The following UBE4B variants were observed in gnomAD, a reference collection of about 807,000 sequenced individuals.
UBE4B encodes ubiquitination factor E4B.
In UBE4B, 27 loss-of-function variants were observed where a neutral mutation model predicts 148.1. The ratio of observed to expected loss-of-function variants is 0.18; its 90% CI spans 0.13 to 0.25. The LOEUF (loss-of-function observed/expected upper bound fraction) is 0.25, where lower values mean the gene tolerates loss of function less well. UBE4B is among the 10% of genes least tolerant of loss of function. The pLI is 1.00. For missense variants in UBE4B, 1,170 were observed against 1,662.4 expected, an observed-to-expected ratio of 0.70 and a Z score of 5.15; for synonymous variants, 596 against 619.3, an observed-to-expected ratio of 0.96 and a Z score of 0.56.
chr1:10,104,412 A>G (rs1645073060), intron 5 of UBE4B, among the ~76,000 whole-genome samples: 1 of 152,124 alleles, frequency 6.6e-6, no homozygotes, highest in South Asian at 2.1e-4. Flanking sequence ...AACTTCCCTC[A>G]TGGTAGGGAT....
chr1:10,137,023 A>G (rs1645698510), intron 16 of UBE4B, 44 bp from the exon 17 acceptor site: 1 of 1,606,530 alleles, frequency 6.2e-7, no homozygotes, highest in Non-Finnish European at 8.5e-7. Context: ...TCTGATTGAG[A>G]CATGTAATAG....
At chr1:10,064,869 T>C (rs1482486261) in intron 1 of UBE4B, among the ~76,000 whole-genome samples, 1 of 151,764 alleles carries the variant, frequency 6.6e-6, no homozygotes, top group Non-Finnish European at 1.5e-5. Context: ...GTTCAAGCAA[T>C]TCTCCTGCCT....
intron 2 of UBE4B, among the ~76,000 whole-genome samples, chr1:10,082,031 A>G (rs571941174): frequency 2.0e-5 from 3 of 151,890 alleles, no homozygotes; most frequent in Non-Finnish European, 4.4e-5. Context: ...TATCCCTCCA[A>G]ATTTGCTTGA....
chr1:10,088,028 G>T (rs1644790541), intron 2 of UBE4B, among the ~76,000 whole-genome samples: 1 of 152,166 alleles, frequency 6.6e-6, no homozygotes, highest in African/African-American at 2.4e-5. Context: ...TTGACCATGG[G>T]AGCTCTTTCA....
intron 2 of UBE4B, among the ~76,000 whole-genome samples, chr1:10,077,300 G>A (rs1490253219): frequency 1.3e-5 from 2 of 152,076 alleles, no homozygotes; most frequent in Non-Finnish European, 2.9e-5. Context: ...CTTCACGTCC[G>A]TCTTCACATG....
intron 23 of UBE4B, among the ~76,000 whole-genome samples, chr1:10,163,995 G>A (rs1226549506): frequency 6.6e-6 from 1 of 151,640 alleles, no homozygotes; most frequent in South Asian, 2.1e-4. Context: ...CCAAAGTGCG[G>A]GGGTTACAGA....
chr1:10,095,845 C>T (rs755200981), intron 3 of UBE4B, among the ~76,000 whole-genome samples: 1 of 152,200 alleles, frequency 6.6e-6, no homozygotes, highest in African/African-American at 2.4e-5. Context: ...GATCATGGCT[C>T]ACTGCAATTT....
chr1:10,076,788 C>T (rs1644591249), intron 2 of UBE4B, among the ~76,000 whole-genome samples: 1 of 147,868 alleles, frequency 6.8e-6, no homozygotes, highest in Non-Finnish European at 1.5e-5. Context: ...CTCTTGTCAC[C>T]CAGGCTGGAG....
In UBE4B at chr1:10,168,258, C is replaced by T. The variant is rs1423540833; in HGVS notation, c.3321C>T (p.Pro1107=). 1.9e-6 allele frequency: 3 copies of T among 1,614,140 alleles called. No individual in the cohort carries two copies. The Admixed American group carries it at 5.0e-5, about 27-fold the overall frequency. ...TCCTCACGAAGCAGGTCCAGAAGCC[C>T]TTCCTCAGACCGGTGAGTAGAAACC... The part of the protein sequence containing the change: ...FHILTKQVQK[P]FLRPELGPRL... Residue 1107 remains proline, a synonymous_variant, in exon 24 of 28, where the codon CCC becomes CCT. Transcript: ENST00000343090. This position sits in a 1 kb window ranked among gnomAD's most constrained non-coding sequence, Gnocchi z 4.9.
At chr1:10,173,187 A>G (rs1039571563) in intron 25 of UBE4B, among the ~76,000 whole-genome samples, 7 of 152,140 alleles carry the variant, frequency 4.6e-5, no homozygotes, top group Admixed American at 2.0e-4. Flanking sequence ...ATGTTAAAAT[A>G]TATACTGCTG....
intron 1 of UBE4B, among the ~76,000 whole-genome samples, chr1:10,071,269 TAAC>T (rs879832265): frequency 2.0e-5 from 3 of 152,172 alleles, no homozygotes; most frequent in Non-Finnish European, 4.4e-5. Flanking sequence ...TTTATTAAAA[TAAC>T]AACAAGCTTT....
intron 1 of UBE4B, among the ~76,000 whole-genome samples, chr1:10,071,505 T>G (rs1355270209): frequency 6.6e-6 from 1 of 152,194 alleles, no homozygotes; most frequent in African/African-American, 2.4e-5. Flanking sequence ...GGAAGATTAC[T>G]TGAGCCCAGG....
intron 2 of UBE4B, 108 bp from the exon 3 acceptor site, chr1:10,095,353 C>T: frequency 2.2e-6 from 3 of 1,344,962 alleles, no homozygotes; most frequent in Non-Finnish European, 2.0e-6. Context: ...TCGGTTGCTG[C>T]AATGTCATGA....
chr1:10,091,877 A>T (rs915086978), intron 2 of UBE4B, among the ~76,000 whole-genome samples: 3 of 152,020 alleles, frequency 2.0e-5, no homozygotes, highest in African/African-American at 7.2e-5. Context: ...AAGTGCTGAG[A>T]TTACAGGTGT....
At chr1:10,178,488 A>G (rs1646460038) in intron 25 of UBE4B, among the ~76,000 whole-genome samples, 156 bp from the exon 26 acceptor site, 1 of 152,214 alleles carries the variant, frequency 6.6e-6, no homozygotes, top group South Asian at 2.1e-4. Context: ...AAATGCATAA[A>G]GACGGATATA....
At chr1:10,088,873 C>CA (rs1241259165) in intron 2 of UBE4B, among the ~76,000 whole-genome samples, 3 of 151,426 alleles carry the variant, frequency 2.0e-5, no homozygotes, top group Admixed American at 6.6e-5. Flanking sequence ...GAGATGGGGT[C>CA]TCTCTATTTT....
At chr1:10,059,930 T>C (rs1363521513) in intron 1 of UBE4B, among the ~76,000 whole-genome samples, 6 of 152,088 alleles carry the variant, frequency 3.9e-5, no homozygotes, top group Non-Finnish European at 8.8e-5. Flanking sequence ...CTGGGGTCTT[T>C]GCTAGTGCTT....
At chr1:10,126,539 T>C (rs1054520701) in intron 10 of UBE4B, among the ~76,000 whole-genome samples, 2 of 152,340 alleles carry the variant, frequency 1.3e-5, no homozygotes, top group African/African-American at 4.8e-5. Flanking sequence ...GTTGAATTAC[T>C]GGGGGTCCTG....
chr1:10,094,355 A>G (rs1329505822), intron 2 of UBE4B, among the ~76,000 whole-genome samples: 2 of 152,138 alleles, frequency 1.3e-5, no homozygotes, highest in African/African-American at 4.8e-5. Flanking sequence ...ATTTTACTAT[A>G]AAAATTGTAA....
Sources: allele counts gnomAD v4.1 joint callset (sites outside exome capture counted in the v4.1 genomes callset), GRCh38; gene constraint gnomAD v4.1.1; non-coding constraint Gnocchi (gnomAD v3.1); transcripts MANE v1.5; gene names NCBI Gene and HGNC (gene_info 2026-07-23, HGNC 2026-07-21).